The following PRELID2 variants were observed in gnomAD, a reference collection of about 807,000 sequenced individuals.
PRELID2 encodes the protein PRELI domain containing 2.
A neutral mutation model predicts 28.4 loss-of-function variants in PRELID2; 25 were observed. The ratio of observed to expected loss-of-function variants is 0.88; its 90% CI spans 0.64 to 1.23. The LOEUF is 1.23. Ranked by LOEUF, PRELID2 falls within the 50% of genes most tolerant of loss-of-function variation. The probability of loss-of-function intolerance (pLI) is 0.00; values close to 1 mark genes in which losing one functional copy is unlikely to be tolerated. For missense variants in PRELID2, 201 were observed against 214.4 expected, an observed-to-expected ratio of 0.94 and a Z score of 0.39; for synonymous variants, 76 against 71.6, an observed-to-expected ratio of 1.06 and a Z score of -0.31.
the PRELID2 span, among the ~76,000 whole-genome samples, chr5:145,350,326 G>T: frequency 6.6e-6 from 1 of 152,152 alleles, no homozygotes; most frequent in Admixed American, 6.5e-5. Flanking sequence ...CCAAAGAGTG[G>T]TATTTGGCCT....
the PRELID2 span, among the ~76,000 whole-genome samples, chr5:145,351,657 C>G: frequency 6.6e-6 from 1 of 152,258 alleles, no homozygotes; most frequent in East Asian, 1.9e-4. Context: ...CAACAGTCCC[C>G]CAAAGTCTAG....
intron 1 of PRELID2, among the ~76,000 whole-genome samples, chr5:145,596,121 T>TAAAAAAAAAAA (rs1753302987): frequency 8.5e-6 from 1 of 118,126 alleles, no homozygotes; most frequent in African/African-American, 4.0e-5. Flanking sequence ...AAAAAAAAAG[T>TAAAAAAAAAAA]CTGTTTAGGC....
the PRELID2 span, among the ~76,000 whole-genome samples, chr5:145,341,176 T>C: frequency 6.6e-6 from 1 of 151,104 alleles, no homozygotes; most frequent in Non-Finnish European, 1.5e-5. Context: ...AATATCAGTA[T>C]AAGGACATAG....
intron 1 of PRELID2, among the ~76,000 whole-genome samples, chr5:145,697,055 A>C (rs1355035560): frequency 1.7e-5 from 2 of 119,448 alleles, no homozygotes; most frequent in Non-Finnish European, 3.3e-5. Flanking sequence ...ATATATATAT[A>C]TATATATATA....
the PRELID2 span, among the ~76,000 whole-genome samples, chr5:145,394,288 T>C: frequency 6.6e-6 from 1 of 152,002 alleles, no homozygotes; most frequent in Non-Finnish European, 1.5e-5. Context: ...TGTAGGGACA[T>C]GGATGAAACT....
At chr5:145,376,415 T>G in the PRELID2 span, among the ~76,000 whole-genome samples, 1 of 152,190 alleles carries the variant, frequency 6.6e-6, no homozygotes, top group Non-Finnish European at 1.5e-5. Flanking sequence ...CCTCATAGAA[T>G]GAGGTGGGGA....
At chr5:145,250,924 C>T in the PRELID2 span, among the ~76,000 whole-genome samples, 3 of 152,070 alleles carry the variant, frequency 2.0e-5, no homozygotes, top group South Asian at 4.1e-4. Flanking sequence ...TTAGTGGGTA[C>T]TTACTTTCAT....
the PRELID2 span, among the ~76,000 whole-genome samples, chr5:145,235,630 T>C: frequency 6.6e-6 from 1 of 151,778 alleles, no homozygotes; most frequent in East Asian, 1.9e-4. Context: ...CCAAGATTAT[T>C]TTTTTTTGCT....
chr5:145,385,361 T>C, the PRELID2 span, among the ~76,000 whole-genome samples: 1 of 152,188 alleles, frequency 6.6e-6, no homozygotes. Context: ...GTTATTTGTC[T>C]ATAAAATTTT....
intron 1 of PRELID2, among the ~76,000 whole-genome samples, chr5:145,518,419 C>T (rs1475358492): frequency 1.3e-5 from 2 of 152,020 alleles, no homozygotes; most frequent in African/African-American, 2.4e-5. Flanking sequence ...AGGCTGGTCT[C>T]GAGTTCCTGA....
chr5:145,547,081 G>T (rs1254254317), intron 1 of PRELID2, among the ~76,000 whole-genome samples: 1 of 152,154 alleles, frequency 6.6e-6, no homozygotes, highest in East Asian at 1.9e-4. Flanking sequence ...TATACCTCAA[G>T]AAGGAGACTT....
At chr5:145,569,859 G>A (rs903405569) in intron 1 of PRELID2, among the ~76,000 whole-genome samples, 4 of 152,140 alleles carry the variant, frequency 2.6e-5, no homozygotes, top group Non-Finnish European at 5.9e-5. Context: ...AATTTTGTAA[G>A]TCTTTGCTCA....
chr5:145,714,021 T>C (rs373162898), intron 1 of PRELID2, among the ~76,000 whole-genome samples: 1 of 152,060 alleles, frequency 6.6e-6, no homozygotes, highest in Admixed American at 6.6e-5. Flanking sequence ...GACTAAGAAC[T>C]GGCTAACTCT....
rs540897843 is a variant in PRELID2 at position 145,540,057 on chromosome 5, G to A, written n.71-66742C>T. 1.2e-3 allele frequency among the ~76,000 whole-genome samples: 188 copies of A among 151,826 alleles called. 2 individuals are homozygous for A. Among genetic ancestry groups the A allele is most frequent in the Non-Finnish European group, 1.3e-3 (86 of 67,860 alleles). On this transcript the variant is annotated intron_variant and non_coding_transcript_variant, in intron 1 of 2. Transcript: ENST00000510259. ...AGTAAGTGAAAATATACCTCTTTAA[G>A]AGTTTATAGTGCCTTCTCTTTGATT...
At chr5:145,431,817 A>C in the PRELID2 span, among the ~76,000 whole-genome samples, 3 of 152,216 alleles carry the variant, frequency 2.0e-5, no homozygotes, top group Admixed American at 1.3e-4. Flanking sequence ...ATCTTTTTGC[A>C]AAAGGATAAT....
intron 1 of PRELID2, among the ~76,000 whole-genome samples, chr5:145,707,091 T>A (rs909707181): frequency 6.6e-6 from 1 of 152,224 alleles, no homozygotes; most frequent in Non-Finnish European, 1.5e-5. Context: ...TAAGCATCTG[T>A]GGGTGAGGCA....
the PRELID2 span, among the ~76,000 whole-genome samples, chr5:145,371,325 G>A: frequency 6.6e-6 from 1 of 151,950 alleles, no homozygotes; most frequent in Non-Finnish European, 1.5e-5. Context: ...TAACATGAAG[G>A]GATATTGAAT....
At chr5:145,469,963 T>C (rs1752036813), downstream of PRELID2, among the ~76,000 whole-genome samples, 1 of 152,278 alleles carries the variant, frequency 6.6e-6, no homozygotes, top group South Asian at 2.1e-4. Context: ...TATATTCACA[T>C]ATATATTATG....
At chr5:145,256,735 A>C in the PRELID2 span, among the ~76,000 whole-genome samples, 1 of 152,016 alleles carries the variant, frequency 6.6e-6, no homozygotes, top group Non-Finnish European at 1.5e-5. Flanking sequence ...TCTTTAAAGT[A>C]GCCAGAAGGG....
Sources: gnomAD v4.1 joint callset for allele counts (sites outside exome capture counted in the v4.1 genomes callset) on GRCh38, gnomAD v4.1.1 for gene constraint, MANE v1.5 for transcripts, NCBI Gene and HGNC (gene_info 2026-07-23, HGNC 2026-07-21) for gene names.